SUGCT: variants seen among roughly 807,000 people sequenced by gnomAD.
SUGCT encodes succinyl-CoA:glutarate-CoA transferase.
In SUGCT, 41 loss-of-function variants were observed where a neutral mutation model predicts 55.0. That is an observed-to-expected ratio of 0.74 (90% CI 0.58 to 0.97). The LOEUF is 0.97. SUGCT is among the 50% of genes least tolerant of loss of function. The pLI is 0.00. For synonymous variants in SUGCT, 187 were observed against 200.4 expected (o/e 0.93, Z 0.56); for missense variants, 568 against 547.8 (o/e 1.04, Z -0.37).
intron 13 of SUGCT, among the ~76,000 whole-genome samples, chr7:40,810,051 C>A (rs1249806835): frequency 6.6e-6 from 1 of 152,032 alleles, no homozygotes; most frequent in Non-Finnish European, 1.5e-5. Context: ...TAGGTTGATT[C>A]CATGACTTTG....
intron 12 of SUGCT, among the ~76,000 whole-genome samples, chr7:40,685,322 G>C (rs1159842314): frequency 6.6e-6 from 1 of 152,126 alleles, no homozygotes; most frequent in African/African-American, 2.4e-5. Flanking sequence ...TCTACCTAAA[G>C]ATATTCCTCT....
At chr7:40,574,245 A>G (rs531568814) in intron 12 of SUGCT, among the ~76,000 whole-genome samples, 1 of 152,166 alleles carries the variant, frequency 6.6e-6, no homozygotes, top group East Asian at 1.9e-4. Flanking sequence ...CCTACATTCT[A>G]TTGTATTTAT....
At chr7:40,292,642 T>C (rs1472541577) in intron 8 of SUGCT, among the ~76,000 whole-genome samples, 2 of 152,204 alleles carry the variant, frequency 1.3e-5, no homozygotes, top group Non-Finnish European at 2.9e-5. Flanking sequence ...CTGCTAAGTC[T>C]GTAGGCCCAG....
At chr7:40,651,327 A>T (rs113542205) in intron 12 of SUGCT, among the ~76,000 whole-genome samples, 120 of 152,192 alleles carry the variant, frequency 7.9e-4, no homozygotes, top group African/African-American at 2.8e-3. Flanking sequence ...TTTAATTTGC[A>T]CTTCTCTAAT....
intron 13 of SUGCT, among the ~76,000 whole-genome samples, chr7:40,774,387 TATA>T (rs1234482149): frequency 6.6e-6 from 1 of 152,196 alleles, no homozygotes; most frequent in Non-Finnish European, 1.5e-5. Flanking sequence ...TGCAAATAAG[TATA>T]ATGAGATAAA....
intron 10 of SUGCT, among the ~76,000 whole-genome samples, chr7:40,454,315 T>C (rs976578742): frequency 7.9e-5 from 12 of 152,230 alleles, no homozygotes; most frequent in African/African-American, 2.9e-4. Context: ...GTAGATTTAG[T>C]AATTTCAGCA....
At chr7:40,286,291 ATTACT>A (rs536797637) in intron 8 of SUGCT, among the ~76,000 whole-genome samples, 12 of 152,310 alleles carry the variant, frequency 7.9e-5, no homozygotes, top group Admixed American at 1.3e-4. Flanking sequence ...GGTAGGAAAG[ATTACT>A]TTAAGGAGTT....
At chr7:40,595,133 ATATAT>A (rs758502356) in intron 12 of SUGCT, among the ~76,000 whole-genome samples, 3 of 152,196 alleles carry the variant, frequency 2.0e-5, no homozygotes, top group Non-Finnish European at 2.9e-5. Context: ...GTGCTTCAAA[ATATAT>A]TATGTTTATA....
intron 13 of SUGCT, among the ~76,000 whole-genome samples, chr7:40,823,920 A>C (rs191319714): frequency 6.6e-6 from 1 of 152,258 alleles, no homozygotes; most frequent in Non-Finnish European, 1.5e-5. Flanking sequence ...TTGCTAAATA[A>C]TAGCTAACGT....
At chr7:40,245,443 T>TA (rs1458140877) in intron 7 of SUGCT, among the ~76,000 whole-genome samples, 8,069 of 58,208 alleles carry the variant, frequency 0.14, 918 homozygotes, top group Non-Finnish European at 0.18. Context: ...TTTTTTTTTT[T>TA]TTTTTTTTTT....
intron 8 of SUGCT, among the ~76,000 whole-genome samples, chr7:40,292,956 C>A (rs1390795619): frequency 6.6e-6 from 1 of 152,018 alleles, no homozygotes; most frequent in Non-Finnish European, 1.5e-5. Context: ...ATGAAAAAAA[C>A]CATATTGGTC....
intron 7 of SUGCT, among the ~76,000 whole-genome samples, chr7:40,272,358 G>A (rs1053478826): frequency 1.3e-5 from 2 of 148,646 alleles, no homozygotes; most frequent in Admixed American, 6.8e-5. Flanking sequence ...TGTATTTTTT[G>A]GTAGAGACAG....
chr7:40,153,338 C>A, intron 1 of SUGCT: 1 of 359,622 alleles, frequency 2.8e-6, no homozygotes. Context: ...TACTGCTTTC[C>A]CTCAAATGAG....
chr7:40,150,401 G>T (rs1339983313), intron 1 of SUGCT, among the ~76,000 whole-genome samples: 2 of 152,220 alleles, frequency 1.3e-5, no homozygotes, highest in African/African-American at 2.4e-5. Context: ...GGGCACGGTG[G>T]CTCACGCCTG....
intron 7 of SUGCT, among the ~76,000 whole-genome samples, chr7:40,258,142 T>A (rs904696025): frequency 6.6e-6 from 1 of 152,136 alleles, no homozygotes; most frequent in Non-Finnish European, 1.5e-5. Flanking sequence ...GTAACAAACA[T>A]CCTGGCCTTT....
chr7:40,879,841 G>A, the SUGCT span, among the ~76,000 whole-genome samples: 5 of 152,174 alleles, frequency 3.3e-5, no homozygotes, highest in Non-Finnish European at 5.9e-5. Flanking sequence ...GTGGCAGGAC[G>A]TTCTTGTGGC....
chr7:40,136,563 G>A (rs1393377474), intron 1 of SUGCT, among the ~76,000 whole-genome samples: 1 of 152,200 alleles, frequency 6.6e-6, no homozygotes, highest in African/African-American at 2.4e-5. Context: ...GTAGATACAA[G>A]TGATAGACTT....
chr7:40,778,809 G>C (rs1789587615), intron 13 of SUGCT, among the ~76,000 whole-genome samples: 1 of 152,222 alleles, frequency 6.6e-6, no homozygotes, highest in Non-Finnish European at 1.5e-5. Context: ...TTCTGTGGTA[G>C]GTGAGATGAA....
chr7:40,806,139 C>T (rs1227999198), intron 13 of SUGCT, among the ~76,000 whole-genome samples: 4 of 152,108 alleles, frequency 2.6e-5, no homozygotes, highest in African/African-American at 9.7e-5. Flanking sequence ...TTTCAAGTAC[C>T]TAGGGCTAGA....
Sources: gnomAD v4.1 joint callset for allele counts (sites outside exome capture counted in the v4.1 genomes callset) on GRCh38, gnomAD v4.1.1 for gene constraint, MANE v1.5 for transcripts, NCBI Gene and HGNC (gene_info 2026-07-23, HGNC 2026-07-21) for gene names.